The following PDE4D variants were observed in gnomAD, a reference collection of about 807,000 sequenced individuals.
PDE4D encodes the protein 3',5'-cyclic-AMP phosphodiesterase 4D.
In PDE4D, 24 loss-of-function variants were observed where a neutral mutation model predicts 87.4. The ratio of observed to expected loss-of-function variants is 0.27; its 90% CI spans 0.20 to 0.39. The LOEUF is 0.39. Ranked by LOEUF, PDE4D falls within the 10% of genes least tolerant of loss-of-function variation. The probability of loss-of-function intolerance (pLI) is 1.00; values close to 1 mark genes in which losing one functional copy is unlikely to be tolerated. For synonymous variants in PDE4D, 384 were observed against 383.2 expected, an observed-to-expected ratio of 1.00 and a Z score of -0.02; for missense variants, 714 against 1,041.0, an observed-to-expected ratio of 0.69 and a Z score of 4.32.
chr5:59,642,022 A>C (rs1420725455), intron 1 of PDE4D, among the ~76,000 whole-genome samples: 2 of 152,156 alleles, frequency 1.3e-5, no homozygotes, highest in African/African-American at 4.8e-5. Context: ...GTTCATTCTT[A>C]TAAAGGAATC....
chr5:59,681,237 C>T (rs1275722342), intron 1 of PDE4D, among the ~76,000 whole-genome samples: 2 of 152,166 alleles, frequency 1.3e-5, no homozygotes, highest in South Asian at 2.1e-4. Flanking sequence ...ACTAGAAGTA[C>T]CTTGTACTGT....
At chr5:59,667,834 A>G (rs1746333702) in intron 1 of PDE4D, among the ~76,000 whole-genome samples, 1 of 152,202 alleles carries the variant, frequency 6.6e-6, no homozygotes, top group Non-Finnish European at 1.5e-5. Flanking sequence ...CCACGAAACC[A>G]TTCAAGATGG....
At chr5:59,441,208 G>C (rs59246284) in intron 1 of PDE4D, among the ~76,000 whole-genome samples, 40,881 of 151,900 alleles carry the variant, frequency 0.27, 9,091 homozygotes, top group African/African-American at 0.62. Flanking sequence ...AATCCTCCCA[G>C]CTCAGCCTCC....
At chr5:59,976,329 C>A (rs1038720480) in intron 3 of PDE4D, among the ~76,000 whole-genome samples, 6 of 151,928 alleles carry the variant, frequency 3.9e-5, no homozygotes, top group Non-Finnish European at 7.4e-5. Context: ...GATTTGATTC[C>A]CAATGTTGAT....
rs1392462153 is a variant in PDE4D at position 58,975,884 on chromosome 5, T to TA, written c.1831-46_1831-45insT. 8.0e-7 allele frequency: 1 copy of TA among 1,242,990 alleles called. No individual in the cohort carries two copies. Among genetic ancestry groups the TA allele is most frequent in the Non-Finnish European group, 1.0e-6 (1 of 967,674 alleles). The allele number at this position is 1,242,990 out of a possible 1,614,324, so 77.0% of individuals were successfully genotyped here. ...TCTCTATTCACTCCTGTTCCTTTTT[T>TA]TTAAAAAAAAAAACAAAAAAAACTA... On this transcript the variant is annotated intron_variant, in intron 13 of 14. Coordinates refer to ENST00000340635, the MANE Select transcript of PDE4D (RefSeq NM_001104631.2). The surrounding 1 kb of genome is among the most constrained non-coding windows in gnomAD (Gnocchi z 4.2).
chr5:59,053,126 A>T (rs938764534), intron 5 of PDE4D, among the ~76,000 whole-genome samples: 8 of 152,112 alleles, frequency 5.3e-5, no homozygotes, highest in Non-Finnish European at 1.2e-4. Flanking sequence ...GTAGTCACTA[A>T]GGTAAGCAAG....
chr5:59,306,110 C>T (rs1394951270), intron 1 of PDE4D, among the ~76,000 whole-genome samples: 1 of 152,122 alleles, frequency 6.6e-6, no homozygotes. Context: ...TGACATATTC[C>T]TGTTGGAGAA....
At chr5:59,232,568 G>A (rs527796657) in intron 1 of PDE4D, among the ~76,000 whole-genome samples, 6 of 151,074 alleles carry the variant, frequency 4.0e-5, no homozygotes, top group Non-Finnish European at 8.8e-5. Context: ...TTCTTAGTTG[G>A]TGGGAATATA....
At chr5:59,167,921 C>G (rs912307841) in intron 5 of PDE4D, among the ~76,000 whole-genome samples, 5 of 152,048 alleles carry the variant, frequency 3.3e-5, no homozygotes, top group Non-Finnish European at 7.4e-5. Flanking sequence ...AAATCAAGTT[C>G]TCTATGTGGA....
intron 1 of PDE4D, among the ~76,000 whole-genome samples, chr5:59,873,699 C>T (rs184273717): frequency 1.8e-4 from 28 of 152,218 alleles, no homozygotes; most frequent in Admixed American, 3.9e-4. Context: ...AGTACATAAG[C>T]AGAAAAATAC....
chr5:60,343,799 C>A (rs190449266), intron 1 of PDE4D, among the ~76,000 whole-genome samples: 100 of 152,232 alleles, frequency 6.6e-4, no homozygotes, highest in Non-Finnish European at 1.2e-3. Context: ...AGTCTGTGGA[C>A]CCAGTAACAC....
intron 1 of PDE4D, among the ~76,000 whole-genome samples, chr5:60,301,339 C>A (rs1285800206): frequency 6.6e-6 from 1 of 152,192 alleles, no homozygotes; most frequent in Non-Finnish European, 1.5e-5. Context: ...TTCTTCCCAT[C>A]CATGAGCATG....
chr5:60,151,479 T>A (rs1335424965), intron 2 of PDE4D, among the ~76,000 whole-genome samples: 1 of 152,210 alleles, frequency 6.6e-6, no homozygotes, highest in African/African-American at 2.4e-5. Context: ...TTCTTGGTTA[T>A]GTTTATTCCT....
intron 1 of PDE4D, among the ~76,000 whole-genome samples, chr5:59,638,833 C>G (rs1741055556): frequency 6.6e-6 from 1 of 152,048 alleles, no homozygotes; most frequent in Admixed American, 6.6e-5. Flanking sequence ...TATGAGATGT[C>G]CTGAAGCCCC....
At chr5:59,595,497 G>A (rs1826543723) in intron 1 of PDE4D, among the ~76,000 whole-genome samples, 1 of 151,892 alleles carries the variant, frequency 6.6e-6, no homozygotes, top group African/African-American at 2.4e-5. Flanking sequence ...CGATTTTTAT[G>A]TTGTTGTAAG....
intron 5 of PDE4D, among the ~76,000 whole-genome samples, chr5:59,073,507 C>CGG (rs56301552): frequency 0.076 from 2,895 of 38,150 alleles, 164 homozygotes; most frequent in African/African-American, 0.17. Flanking sequence ...AAGTGGGGGG[C>CGG]GGGGGGGGCG....
At chr5:59,529,937 G>A (rs1046610825) in intron 1 of PDE4D, among the ~76,000 whole-genome samples, 1 of 152,110 alleles carries the variant, frequency 6.6e-6, no homozygotes, top group Non-Finnish European at 1.5e-5. Flanking sequence ...TCCTAAGGAG[G>A]GCCCCGGGTA....
intron 1 of PDE4D, among the ~76,000 whole-genome samples, chr5:59,642,806 T>C: frequency 7.7e-6 from 1 of 130,660 alleles, no homozygotes; most frequent in East Asian, 4.3e-4. Context: ...CGAGAAGTCT[T>C]ATAAAAAATT....
intron 1 of PDE4D, among the ~76,000 whole-genome samples, chr5:60,330,445 A>T (rs1406216318): frequency 2.0e-5 from 3 of 152,222 alleles, no homozygotes; most frequent in African/African-American, 7.2e-5. Context: ...AGTATGTTCC[A>T]TGGCTTTCTG....
Sources: gnomAD v4.1 joint callset for allele counts (sites outside exome capture counted in the v4.1 genomes callset) on GRCh38, gnomAD v4.1.1 for gene constraint, Gnocchi (gnomAD v3.1) non-coding constraint, MANE v1.5 for transcripts, NCBI Gene and HGNC (gene_info 2026-07-23, HGNC 2026-07-21) for gene names.